The following ZC3H11A variants were observed in gnomAD, a reference collection of about 807,000 sequenced individuals.
ZC3H11A encodes zinc finger CCCH domain-containing protein 11A.
In ZC3H11A, 22 loss-of-function variants were observed where a neutral mutation model predicts 90.8. The observed-to-expected ratio is 0.24, with a 90% CI of 0.17 to 0.35. The LOEUF is 0.35. Ranked by LOEUF, ZC3H11A falls within the 10% of genes least tolerant of loss-of-function variation. The probability of loss-of-function intolerance (pLI) is 1.00; values close to 1 mark genes in which losing one functional copy is unlikely to be tolerated. For missense variants in ZC3H11A, 701 were observed against 964.9 expected, an observed-to-expected ratio of 0.73 and a Z score of 3.62; for synonymous variants, 294 against 339.8, an observed-to-expected ratio of 0.87 and a Z score of 1.48.
chr1:203,798,428 GACTTCAAC>G, intron 1 of ZC3H11A: 4 of 1,534,800 alleles, frequency 2.6e-6, no homozygotes, highest in Non-Finnish European at 3.5e-6. Flanking sequence ...CCCACTTAGG[GACTTCAAC>G]ACTTCAACGA....
intron 16 of ZC3H11A, 69 bp downstream of exon 16, chr1:203,850,750 A>G: frequency 7.7e-6 from 12 of 1,552,682 alleles, no homozygotes; most frequent in Non-Finnish European, 2.6e-6. Context: ...CTAACTCTCC[A>G]CTAGCATTCT....
At chr1:203,825,005 A>T (rs1315823295) in intron 4 of ZC3H11A, among the ~76,000 whole-genome samples, 1 of 135,802 alleles carries the variant, frequency 7.4e-6, no homozygotes, top group African/African-American at 2.7e-5. Context: ...TGAACCCTGG[A>T]GGTGGAGGTT....
At chr1:203,815,601 A>G (rs563424536) in intron 2 of ZC3H11A, among the ~76,000 whole-genome samples, 1 of 152,218 alleles carries the variant, frequency 6.6e-6, no homozygotes, top group Non-Finnish European at 1.5e-5. Flanking sequence ...AATACATTCT[A>G]GAAATGGAAT....
At chr1:203,811,816 C>G (rs551990633) in intron 2 of ZC3H11A, among the ~76,000 whole-genome samples, 1 of 148,002 alleles carries the variant, frequency 6.8e-6, no homozygotes, top group South Asian at 2.1e-4. Flanking sequence ...ATAGCTTTGT[C>G]TTTTTCTTTT....
At chr1:203,829,749 T>G (rs747378578) in intron 6 of ZC3H11A, 31 bp from the exon 7 acceptor site, 6 of 1,612,738 alleles carry the variant, frequency 3.7e-6, no homozygotes, top group Non-Finnish European at 5.1e-6. Context: ...GTATTTTTAA[T>G]TGTGAATTTG....
At chr1:203,805,849 G>A (rs1672142126) in intron 2 of ZC3H11A, 1 of 903,016 alleles carries the variant, frequency 1.1e-6, no homozygotes, top group Non-Finnish European at 1.8e-6. Flanking sequence ...GATTTCATTT[G>A]CATCTTCCAT....
intron 4 of ZC3H11A, among the ~76,000 whole-genome samples, chr1:203,823,260 G>T (rs1473022549): frequency 6.6e-6 from 1 of 152,176 alleles, no homozygotes; most frequent in Non-Finnish European, 1.5e-5. Flanking sequence ...AAAGACACTG[G>T]AGGAATCTGG....
intron 4 of ZC3H11A, among the ~76,000 whole-genome samples, chr1:203,827,524 C>CA (rs1264095071): frequency 7.3e-5 from 11 of 151,068 alleles, no homozygotes; most frequent in African/African-American, 1.7e-4. Flanking sequence ...ACTAAAAATA[C>CA]AAAAAAAATT....
At position 203,847,679 on chromosome 1, in the gene ZC3H11A, A is replaced by G. The variant is rs759078052; in HGVS notation, c.1538A>G (p.Lys513Arg). 6 of 1,612,180 alleles carry G rather than the reference A, an allele frequency of 3.7e-6. No individual in the cohort carries two copies. In the Admixed American group the frequency reaches 6.7e-5, roughly 18 times the overall value. Residue 513 changes from lysine to arginine, a missense_variant, in exon 13 of 18, where the codon AAA (lysine) becomes AGA (arginine). Physicochemically the swap from Lys to Arg is conservative, Grantham distance 26. Coordinates refer to ENST00000367210, the MANE Select transcript of ZC3H11A (RefSeq NM_001376342.1). ...GCAAGGCGGCTGCTGCGAATCACCA[A>G]AAGAACAGGTAACAAGAGAACTTGG... ...PGARRLLRITKRTGMKEEKNL... is the reference protein window; with the variant it reads ...PGARRLLRITRRTGMKEEKNL...
At chr1:203,850,084 A>C (rs952025817) in intron 15 of ZC3H11A, 58 bp downstream of exon 15, 18 of 1,526,022 alleles carry the variant, frequency 1.2e-5, no homozygotes, top group Non-Finnish European at 1.3e-5. Flanking sequence ...AATTCAACCC[A>C]ATTGTTGCCA....
intron 17 of ZC3H11A, among the ~76,000 whole-genome samples, 161 bp downstream of exon 17, chr1:203,851,285 C>G (rs1317581577): frequency 2.0e-5 from 3 of 152,176 alleles, no homozygotes; most frequent in Non-Finnish European, 4.4e-5. Context: ...TGCTGTTCTT[C>G]TTTGGTGCCA....
intron 2 of ZC3H11A, among the ~76,000 whole-genome samples, chr1:203,815,270 A>C (rs1470411827): frequency 8.1e-6 from 1 of 124,026 alleles, no homozygotes; most frequent in African/African-American, 3.2e-5. Context: ...GCTGGAGTGC[A>C]GTGGCGCAAT....
chr1:203,851,968 CAAAAAAAAAA>C (rs57160781), intron 17 of ZC3H11A, among the ~76,000 whole-genome samples, 163 bp from the exon 18 acceptor site: 1 of 45,842 alleles, frequency 2.2e-5, no homozygotes, highest in Non-Finnish European at 3.5e-5. Context: ...GACTCTGCCT[CAAAAAAAAAA>C]AAAAAAAAAA....
intron 1 of ZC3H11A, chr1:203,798,844 C>T (rs1336343951): frequency 2.0e-6 from 3 of 1,535,964 alleles, no homozygotes; most frequent in African/African-American, 1.4e-5. Context: ...CAGATTGTGG[C>T]CCCTGATTAT....
Position 203,847,481 on chromosome 1 carries a change from C to T in ZC3H11A, c.1340C>T (p.Pro447Leu), listed in dbSNP as rs1243119998. ...GAAATTAAAAAAACAGTAGTTTTGC[C>T]ACCCATTGTTGCCAGCAGAGGACAA... ...DSEIKKTVVL[P>L]PIVASRGQSE... Residue 447 changes from proline (P) to leucine (L), a missense_variant, in exon 13 of 18, where the codon CCA becomes CTA. Pro to Leu is a moderately conservative substitution (Grantham distance 98). This residue lies in a region of ZC3H11A where 530 missense variants were observed against 696.2 expected (regional missense o/e 0.76). Coordinates refer to ENST00000367210, the MANE Select transcript of ZC3H11A (RefSeq NM_001376342.1). 2 of 1,613,772 alleles carry T rather than the reference C, an allele frequency of 1.2e-6. No homozygotes were observed. The highest frequency in any genetic ancestry group is 2.7e-5 in the African/African-American group (2 of 74,894).
At chr1:203,805,675 T>G (rs752099323) in intron 2 of ZC3H11A, 11 of 686,516 alleles carry the variant, frequency 1.6e-5, no homozygotes, top group Non-Finnish European at 2.2e-5. Context: ...CATCCTTGTT[T>G]TTGTGACAGT....
intron 12 of ZC3H11A, among the ~76,000 whole-genome samples, chr1:203,844,003 A>G (rs577771467): frequency 9.2e-5 from 14 of 151,760 alleles, no homozygotes; most frequent in African/African-American, 3.1e-4. Flanking sequence ...GATTACAGGC[A>G]TGCGCTACCA....
At chr1:203,844,768 C>CT (rs1687427441) in intron 12 of ZC3H11A, among the ~76,000 whole-genome samples, 1 of 152,052 alleles carries the variant, frequency 6.6e-6, no homozygotes, top group African/African-American at 2.4e-5. Flanking sequence ...CACAGTAAGA[C>CT]TTTATTTTCT....
intron 2 of ZC3H11A, among the ~76,000 whole-genome samples, chr1:203,811,529 G>A (rs1424847266): frequency 6.6e-6 from 1 of 151,946 alleles, no homozygotes; most frequent in African/African-American, 2.4e-5. Context: ...TTTTTCTGGA[G>A]GCAGAATCTT....
Sources: allele counts gnomAD v4.1 joint callset (sites outside exome capture counted in the v4.1 genomes callset), GRCh38; gene constraint gnomAD v4.1.1; regional missense constraint gnomAD v4.1.1; transcripts MANE v1.5; gene names NCBI Gene and HGNC (gene_info 2026-07-23, HGNC 2026-07-21).